The following UBE3C variants were observed in gnomAD, a reference collection of about 807,000 sequenced individuals.
UBE3C encodes ubiquitin-protein ligase E3C.
In UBE3C, 42 loss-of-function variants were observed where a neutral mutation model predicts 129.4. The ratio of observed to expected loss-of-function variants is 0.32; its 90% CI spans 0.25 to 0.42. The LOEUF (loss-of-function observed/expected upper bound fraction) is 0.42, where lower values mean the gene tolerates loss of function less well. UBE3C is among the 10% of genes least tolerant of loss of function. The pLI, the probability that UBE3C is intolerant of heterozygous loss-of-function variation, is 1.00. For synonymous variants in UBE3C, 510 were observed against 492.4 expected, an observed-to-expected ratio of 1.04 and a Z score of -0.47; for missense variants, 1,049 against 1,319.1, an observed-to-expected ratio of 0.80 and a Z score of 3.17.
intron 1 of UBE3C, among the ~76,000 whole-genome samples, chr7:157,146,941 G>T (rs192065221): frequency 2.6e-5 from 4 of 152,166 alleles, no homozygotes; most frequent in Admixed American, 2.0e-4. Context: ...GTGAGACACC[G>T]CGCCCAACCA....
At chr7:157,174,732 C>G (rs1808469197) in intron 4 of UBE3C, among the ~76,000 whole-genome samples, 187 bp from the exon 5 acceptor site, 1 of 152,168 alleles carries the variant, frequency 6.6e-6, no homozygotes, top group African/African-American at 2.4e-5. Context: ...ACGTGAACCA[C>G]TGTGCCTGGC....
intron 18 of UBE3C, among the ~76,000 whole-genome samples, chr7:157,235,748 G>A (rs1161899805): frequency 8.5e-5 from 13 of 152,196 alleles, no homozygotes. Context: ...AGTTAACTTA[G>A]TTTCACATAT....
intron 21 of UBE3C, chr7:157,256,696 T>A: frequency 2.0e-6 from 1 of 510,234 alleles, no homozygotes; most frequent in Middle Eastern, 5.1e-4. Flanking sequence ...CACAGCCATT[T>A]ACACAGCCTC....
chr7:157,150,292 T>C (rs897361047), intron 1 of UBE3C, among the ~76,000 whole-genome samples: 2 of 151,878 alleles, frequency 1.3e-5, no homozygotes, highest in Non-Finnish European at 2.9e-5. Flanking sequence ...GGCGGGAGAA[T>C]CGCTTGAACC....
intron 2 of UBE3C, among the ~76,000 whole-genome samples, chr7:157,166,928 TGG>T (rs1243763368): frequency 1.6e-4 from 20 of 128,068 alleles, no homozygotes; most frequent in African/African-American, 5.2e-4. Context: ...GTGGTGGTGG[TGG>T]TGGTGGTGGT....
intron 10 of UBE3C, among the ~76,000 whole-genome samples, chr7:157,196,533 G>C (rs1488587762): frequency 6.6e-6 from 1 of 152,230 alleles, no homozygotes; most frequent in African/African-American, 2.4e-5. Context: ...TGAGCACATA[G>C]AAGAGTGTTT....
intron 22 of UBE3C, among the ~76,000 whole-genome samples, chr7:157,263,715 G>T (rs1796985757): frequency 6.7e-6 from 1 of 148,770 alleles, no homozygotes. Flanking sequence ...CTTTGTGGGA[G>T]CGCTGTTGGC....
At chr7:157,267,427 A>C (rs1189287078) in intron 22 of UBE3C, among the ~76,000 whole-genome samples, 158 bp from the exon 23 acceptor site, 1 of 152,170 alleles carries the variant, frequency 6.6e-6, no homozygotes, top group African/African-American at 2.4e-5. Flanking sequence ...ATCTCAAAGA[A>C]AACAAACAAC....
rs575951743 is a variant in UBE3C, at chr7:157,242,525, T to G, written c.2482-5843T>G. 3.7e-3 allele frequency among the ~76,000 whole-genome samples: 547 copies of G among 147,528 alleles called. 3 individuals carry two copies. The highest frequency in any genetic ancestry group is 7.1e-3 in the Middle Eastern group (2 of 282). ...ACTGAGCCTGAGTTGTTTTTTTTTT[T>G]TTTTTTTTTTTTAAATTCCTACTGT... On this transcript the variant is annotated intron_variant, in intron 18 of 22. Transcript: ENST00000348165.
intron 1 of UBE3C, among the ~76,000 whole-genome samples, chr7:157,162,255 C>T (rs144832592): frequency 0.026 from 3,951 of 151,796 alleles, 191 homozygotes; most frequent in African/African-American, 0.091. Flanking sequence ...AGTGCAGTGG[C>T]GTGATCTTGG....
Position 157,138,986 on chromosome 7 carries a change from C to T in UBE3C, c.-287C>T, listed in dbSNP as rs1807342566. The stretch of plus-strand genomic sequence containing the variant: ...GAGGCGGCAGTTCCAGGTGCAAGCG[C>T]CGGGTTTGCTGCCCGCTGGGCGCCC... On this transcript the variant is annotated 5_prime_UTR_variant, in exon 1 of 23. Coordinates refer to ENST00000348165, the MANE Select transcript of UBE3C (RefSeq NM_014671.3). The T allele has an allele frequency of 6.5e-6, 1 of 152,924 alleles. No individual in the cohort carries two copies. The highest frequency in any genetic ancestry group is 2.1e-4 in the South Asian group (1 of 4,850). 9.5% of individuals were successfully genotyped at this position (152,924 alleles called of 1,614,324 possible). A position where few individuals can be genotyped will look rare whatever the true frequency, so the allele number is the denominator to read the frequency against.
intron 6 of UBE3C, among the ~76,000 whole-genome samples, chr7:157,181,070 A>T (rs1397772828): frequency 3.3e-5 from 5 of 152,246 alleles, no homozygotes; most frequent in Non-Finnish European, 7.3e-5. Context: ...GAGACAAATT[A>T]TAAGATCACA....
At chr7:157,163,713 G>A (rs1808137407) in intron 1 of UBE3C, 97 bp from the exon 2 acceptor site, 2 of 1,309,238 alleles carry the variant, frequency 1.5e-6, no homozygotes, top group South Asian at 1.3e-5. Context: ...ATGATCTTTA[G>A]GATCTTTTTT....
intron 1 of UBE3C, among the ~76,000 whole-genome samples, chr7:157,145,350 T>A (rs1807575704): frequency 6.6e-6 from 1 of 151,826 alleles, no homozygotes; most frequent in African/African-American, 2.4e-5. Flanking sequence ...ATACTCTATC[T>A]CTACTAAAAA....
chr7:157,187,717 C>CT, intron 10 of UBE3C, among the ~76,000 whole-genome samples: 1 of 151,948 alleles, frequency 6.6e-6, no homozygotes, highest in Non-Finnish European at 1.5e-5. Context: ...GCTGGGACTA[C>CT]AGGCGCCCGC....
chr7:157,231,058 C>A (rs1361116776), intron 17 of UBE3C, 22 bp from the exon 18 acceptor site: 1 of 1,610,954 alleles, frequency 6.2e-7, no homozygotes, highest in Non-Finnish European at 8.5e-7. Flanking sequence ...TTCCTCCTCA[C>A]CCTCCCATTT....
chr7:157,244,222 A>C (rs1046234577), intron 18 of UBE3C, among the ~76,000 whole-genome samples: 1 of 152,130 alleles, frequency 6.6e-6, no homozygotes, highest in Non-Finnish European at 1.5e-5. Context: ...CGATAGAGTG[A>C]AACTCCGTCT....
chr7:157,159,411 C>T (rs1808006623), intron 1 of UBE3C, among the ~76,000 whole-genome samples: 1 of 151,906 alleles, frequency 6.6e-6, no homozygotes, highest in Admixed American at 6.6e-5. Flanking sequence ...AAGACAGTCT[C>T]CCCCTACCCT....
intron 8 of UBE3C, among the ~76,000 whole-genome samples, chr7:157,182,760 C>T (rs953417257): frequency 2.7e-5 from 4 of 148,542 alleles, no homozygotes; most frequent in South Asian, 2.2e-4. Context: ...GGGTTGGGTG[C>T]GGGGGGGTAT....
Sources: gnomAD v4.1 joint callset for allele counts (sites outside exome capture counted in the v4.1 genomes callset) on GRCh38, gnomAD v4.1.1 for gene constraint, MANE v1.5 for transcripts, NCBI Gene and HGNC (gene_info 2026-07-23, HGNC 2026-07-21) for gene names.